Variants in ATP2B1 observed in about 807,000 individuals in gnomAD.
ATP2B1 encodes ATPase plasma membrane Ca2+ transporting 1, also known as plasma membrane calcium-transporting ATPase 1.
ATP2B1 carries 14 observed loss-of-function variants against 124.2 expected under a neutral mutation model. The ratio of observed to expected loss-of-function variants is 0.11; its 90% CI spans 0.07 to 0.18. ATP2B1 has a LOEUF of 0.18. ATP2B1 is among the 10% of genes least tolerant of loss of function. ATP2B1 has a pLI of 1.00. For missense variants in ATP2B1, 763 were observed against 1,466.1 expected, an observed-to-expected ratio of 0.52 and a Z score of 7.83; for synonymous variants, 449 against 492.4, an observed-to-expected ratio of 0.91 and a Z score of 1.17.
chr12:89,630,215 G>T (rs980819764), intron 6 of ATP2B1, among the ~76,000 whole-genome samples: 1 of 152,094 alleles, frequency 6.6e-6, no homozygotes, highest in South Asian at 2.1e-4. Context: ...GAAAAAATCC[G>T]CCGTGAGAGT....
At chr12:89,599,770 ATATT>A in intron 19 of ATP2B1, among the ~76,000 whole-genome samples, 1 of 152,216 alleles carries the variant, frequency 6.6e-6, no homozygotes. Context: ...GTTTTGTTAC[ATATT>A]TTTTTTAAAA....
Position 89,642,359 on chromosome 12 carries a change from A to G in ATP2B1, c.209-4T>C. The G allele has an allele frequency of 6.3e-7, 1 of 1,597,914 alleles. No individual in the cohort carries two copies. The highest frequency in any genetic ancestry group is 1.8e-5 in the Admixed American group (1 of 56,564). On this transcript the variant is annotated splice_region_variant and splice_polypyrimidine_tract_variant and intron_variant, in intron 2 of 20. Coordinates refer to ENST00000428670, the MANE Select transcript of ATP2B1 (RefSeq NM_001366521.1). ...TCTGCAGGGTTTCCACTTAAACCTAATAAAAAGAAACAAATTTCAGTGAAC... is the reference window on the plus strand; with the variant it reads ...TCTGCAGGGTTTCCACTTAAACCTAGTAAAAAGAAACAAATTTCAGTGAAC...
intron 20 of ATP2B1, chr12:89,598,738 A>T: frequency 6.2e-7 from 1 of 1,613,954 alleles, no homozygotes; most frequent in Non-Finnish European, 8.5e-7. Flanking sequence ...CATTCACTAC[A>T]TCCATCTGCA....
intron 1 of ATP2B1, among the ~76,000 whole-genome samples, chr12:89,689,645 A>C (rs1316540848): frequency 1.3e-5 from 2 of 152,098 alleles, no homozygotes; most frequent in African/African-American, 2.4e-5. Flanking sequence ...CCCATATTTA[A>C]TACGGCTTCT....
intron 1 of ATP2B1, among the ~76,000 whole-genome samples, chr12:89,700,758 A>C (rs1254371229): frequency 1.3e-5 from 2 of 152,182 alleles, no homozygotes; most frequent in Non-Finnish European, 2.9e-5. Context: ...TATTATTGCA[A>C]CGTCAATTAA....
chr12:89,692,907 G>C (rs1279908942), intron 1 of ATP2B1, among the ~76,000 whole-genome samples: 1 of 152,096 alleles, frequency 6.6e-6, no homozygotes, highest in Non-Finnish European at 1.5e-5. Context: ...ATATCGACTA[G>C]TCTATGGTAA....
In ATP2B1 at chr12:89,591,018, C is replaced by T. The variant is rs375770738; in HGVS notation, c.3629G>A (p.Gly1210Glu). Residue 1210 changes from glycine to glutamate, a missense_variant, in exon 21 of 21, where the codon GGA (glycine) becomes GAA (glutamate). Physicochemically the swap from Gly to Glu is moderately conservative, Grantham distance 98. Around this residue, in one of 7 missense-constraint regions of ATP2B1, gnomAD observed 97 missense variants for 94.7 expected, o/e 1.02. Coordinates refer to ENST00000428670, the MANE Select transcript of ATP2B1 (RefSeq NM_001366521.1). ...MNKSATSSSPGSPLHSLETSL is the reference protein window; with the variant it reads ...MNKSATSSSPESPLHSLETSL ...TGTTTCCAAACTATGTAGTGGGCTT[C>T]CTGGGGATGAAGAGGTAGCAGACTT... 9.9e-6 allele frequency: 16 copies of T among 1,612,758 alleles called. No individual in the cohort carries two copies. Among genetic ancestry groups the T allele is most frequent in the Non-Finnish European group, 1.4e-5 (16 of 1,179,192 alleles).
In ATP2B1 at chr12:89,620,124, T is replaced by C. The variant is rs1199344657; in HGVS notation, c.1704A>G (p.Pro568=). ...RDYQDVRNEI[P]EEALYKVYTF... ...TGTAGACTTTGTACAGTGCTTCTTC[T>C]GGTATTTCATTTCTAACATCCTGAT... is the stretch of plus-strand genomic sequence containing the variant. Residue 568 remains proline, a synonymous_variant, in exon 11 of 21, where the codon CCA becomes CCG. Transcript: ENST00000428670. The C allele has an allele frequency of 8.7e-6, 14 of 1,613,970 alleles. No homozygotes were observed. Among genetic ancestry groups the C allele is most frequent in the Non-Finnish European group, 1.2e-5 (14 of 1,179,990 alleles).
At position 89,708,330 on chromosome 12, in the gene ATP2B1, G is replaced by C. The variant is rs180828049; in HGVS notation, c.-222+266C>G. On this transcript the variant is annotated intron_variant, in intron 1 of 20. Transcript: ENST00000428670. ...GAAGCCCCAACAAGCCCCATCCCTC[G>C]GGCCCGGAGCAGCGACTCCCAGACT... Among the ~76,000 whole-genome samples, 864 of 152,234 alleles carry C rather than the reference G, an allele frequency of 5.7e-3. 7 individuals are homozygous for C. Among genetic ancestry groups the C allele is most frequent in the Non-Finnish European group, 0.01 (684 of 67,970 alleles).
At chr12:89,636,700 T>C (rs547189142) in intron 3 of ATP2B1, among the ~76,000 whole-genome samples, 1 of 152,212 alleles carries the variant, frequency 6.6e-6, no homozygotes, top group South Asian at 2.1e-4. Flanking sequence ...GGGAATGAAG[T>C]AAAATCAATT....
intron 5 of ATP2B1, 28 bp downstream of exon 5, chr12:89,634,750 T>C (rs778564712): frequency 1.3e-6 from 2 of 1,548,882 alleles, no homozygotes; most frequent in African/African-American, 1.4e-5. Flanking sequence ...AAGAGGAAAG[T>C]GTTCAAAGAT....
At chr12:89,643,101 T>TACGTATATATATACGTATATAC (rs1292509135) in intron 2 of ATP2B1, among the ~76,000 whole-genome samples, 3 of 122,818 alleles carry the variant, frequency 2.4e-5, no homozygotes, top group Non-Finnish European at 3.7e-5. Context: ...CATATATACA[T>TACGTATATATATACGTATATAC]ACGTATATAT....
intron 8 of ATP2B1, among the ~76,000 whole-genome samples, chr12:89,624,789 G>A (rs947936203): frequency 6.6e-6 from 1 of 152,044 alleles, no homozygotes; most frequent in Non-Finnish European, 1.5e-5. Flanking sequence ...TCTCATCAAT[G>A]GGGAGACCTC....
At chr12:89,634,024 C>T (rs1199055305) in intron 5 of ATP2B1, among the ~76,000 whole-genome samples, 3 of 152,040 alleles carry the variant, frequency 2.0e-5, no homozygotes, top group Admixed American at 6.6e-5. Context: ...GTTTTGGAAG[C>T]GAACTTGTAA....
chr12:89,693,906 C>G (rs952723335), intron 1 of ATP2B1, among the ~76,000 whole-genome samples: 3 of 152,138 alleles, frequency 2.0e-5, no homozygotes, highest in Non-Finnish European at 4.4e-5. Flanking sequence ...TAAATAATAG[C>G]CTTAGGCTGG....
At chr12:89,598,668 G>C (rs751059113) in intron 20 of ATP2B1, 1 of 1,613,954 alleles carries the variant, frequency 6.2e-7, no homozygotes, top group Non-Finnish European at 8.5e-7. Flanking sequence ...TCATGATGCT[G>C]GCTGGCGATG....
intron 2 of ATP2B1, among the ~76,000 whole-genome samples, chr12:89,653,579 G>A (rs1249450617): frequency 6.6e-6 from 1 of 151,472 alleles, no homozygotes; most frequent in African/African-American, 2.4e-5. Flanking sequence ...TTACAGGCGT[G>A]AGCCACCGCG....
At chr12:89,639,598 A>T (rs1883213588) in intron 3 of ATP2B1, among the ~76,000 whole-genome samples, 1 of 150,354 alleles carries the variant, frequency 6.7e-6, no homozygotes, top group South Asian at 2.1e-4. Flanking sequence ...AAAAAATAAA[A>T]AATGCAAATA....
At chr12:89,671,570 C>T (rs894819584) in intron 1 of ATP2B1, among the ~76,000 whole-genome samples, 5 of 152,118 alleles carry the variant, frequency 3.3e-5, no homozygotes, top group Non-Finnish European at 7.3e-5. Flanking sequence ...AATATTATTA[C>T]CCCCAATTGC....
Sources: allele counts gnomAD v4.1 joint callset (sites outside exome capture counted in the v4.1 genomes callset), GRCh38; gene constraint gnomAD v4.1.1; regional missense constraint gnomAD v4.1.1; transcripts MANE v1.5; gene names NCBI Gene and HGNC (gene_info 2026-07-23, HGNC 2026-07-21).